Variants in KEAP1 observed in about 807,000 individuals in gnomAD.
The protein encoded by KEAP1 is kelch like ECH associated protein 1, also known as kelch-like ECH-associated protein 1.
Under a neutral mutation model 59.7 loss-of-function variants are expected in KEAP1, and 26 were observed. The observed-to-expected ratio is 0.44, with a 90% confidence interval of 0.32 to 0.60. KEAP1 has a LOEUF of 0.60. Among genes scored for constraint, KEAP1 ranks in the 20% least tolerant of loss-of-function variants. The pLI, the probability that KEAP1 is intolerant of heterozygous loss-of-function variation, is 0.06. For missense variants in KEAP1, 539 were observed against 871.4 expected, an observed-to-expected ratio of 0.62 and a Z score of 4.80; for synonymous variants, 350 against 358.3, an observed-to-expected ratio of 0.98 and a Z score of 0.26.
intron 2 of KEAP1, among the ~76,000 whole-genome samples, chr19:10,494,913 C>G (rs956902552): frequency 1.3e-5 from 2 of 151,654 alleles, no homozygotes; most frequent in Non-Finnish European, 2.9e-5. Flanking sequence ...CTCAGCCTCC[C>G]AAAGTGCTGG....
rs1428566418 is a variant in KEAP1 at position 10,486,148 on chromosome 19, C to CTT, written c.*502_*503dup. 8.9e-6 allele frequency: 2 copies of CTT among 224,166 alleles called. No homozygotes were observed. Among genetic ancestry groups the CTT allele is most frequent in the East Asian group, 1.3e-4 (2 of 15,432 alleles). The allele number at this position is 224,166 out of a possible 1,614,324, so 13.9% of individuals were successfully genotyped here. A position where few individuals can be genotyped will look rare whatever the true frequency, so the allele number is the denominator to read the frequency against. ...GGTGAAAGACACTAGTTAGTCTGTTCTTTATTTTCCTTGGAAAATTACAGG... is the reference window on the plus strand; with the variant it reads ...GGTGAAAGACACTAGTTAGTCTGTTCTTTTTATTTTCCTTGGAAAATTACAGG... On this transcript the variant is annotated 3_prime_UTR_variant, in exon 6 of 6. Transcript: ENST00000171111.
rs2144623392 is a variant in KEAP1, at chr19:10,499,332, T to G, written c.639+63A>C. 7.2e-7 allele frequency: 1 copy of G among 1,389,014 alleles called. No homozygotes were observed. The highest frequency in any genetic ancestry group is 9.8e-7 in the Non-Finnish European group (1 of 1,025,408). 86.0% of individuals were successfully genotyped at this position (1,389,014 alleles called of 1,614,324 possible). On this transcript the variant is annotated intron_variant, in intron 2 of 5. Coordinates refer to ENST00000171111, the MANE Select transcript of KEAP1 (RefSeq NM_203500.2). The surrounding 1 kb of genome is among the most constrained non-coding windows in gnomAD (Gnocchi z 6.7). ...TTGACATCTCAAGGGGAGACAGTGA[T>G]GAGCACTCGTCCATCCCTGGTCCTT...
At chr19:10,501,536 G>A (rs188964259) in intron 1 of KEAP1, among the ~76,000 whole-genome samples, 384 of 151,974 alleles carry the variant, frequency 2.5e-3, no homozygotes, top group African/African-American at 9.1e-3. Flanking sequence ...AGGCTGAGGC[G>A]GGAGAAAGGC....
chr19:10,499,877 T>C lies in KEAP1; in HGVS notation c.157A>G (p.Ser53Gly). ...TTGGTATGATCCTCCAGGGTGTAGC[T>C]GAAGGTGCGGTTGCCATGCTGGGAG... Reference protein sequence around the residue: ...TPSQHGNRTFSYTLEDHTKQA... With the variant: ...TPSQHGNRTFGYTLEDHTKQA... Residue 53 changes from serine (S) to glycine (G), a missense_variant, in exon 2 of 6, where the codon AGC (serine) becomes GGC (glycine). By Grantham distance (56) the Ser-to-Gly change is moderately conservative (BLOSUM62 0). Around this residue, in one of 4 missense-constraint regions of KEAP1, gnomAD observed 166 missense variants for 295.8 expected, o/e 0.56. Coordinates refer to ENST00000171111, the MANE Select transcript of KEAP1 (RefSeq NM_203500.2). This position sits in a 1 kb window ranked among gnomAD's most constrained non-coding sequence, Gnocchi z 6.7. 1 of 1,613,578 alleles carries C rather than the reference T, an allele frequency of 6.2e-7. No homozygotes were observed. Among genetic ancestry groups the C allele is most frequent in the Non-Finnish European group, 8.5e-7 (1 of 1,179,864 alleles).
rs76205301 is a variant in KEAP1, at chr19:10,486,406, G to A, written c.*246C>T. The A allele has an allele frequency of 3.2e-3, 1,494 of 464,820 alleles. 23 individuals carry two copies. In the East Asian group the frequency reaches 0.035, roughly 11 times the overall value. 28.8% of individuals were successfully genotyped at this position (464,820 alleles called of 1,614,324 possible). A position where few individuals can be genotyped will look rare whatever the true frequency, so the allele number is the denominator to read the frequency against. On this transcript the variant is annotated 3_prime_UTR_variant, in exon 6 of 6. Coordinates refer to ENST00000171111, the MANE Select transcript of KEAP1 (RefSeq NM_203500.2). ...GGGTTTGGGGGCCTCTCTCCTGGAA[G>A]CCTGCTCTTTCCACACCCCCTTTCC...
chr19:10,495,928 T>C (rs561341699), intron 2 of KEAP1, among the ~76,000 whole-genome samples: 4 of 152,214 alleles, frequency 2.6e-5, no homozygotes, highest in Admixed American at 2.6e-4. Flanking sequence ...CTCACGCCTG[T>C]AATCCTGGTA....
Position 10,486,611 on chromosome 19 carries a change from T to A in KEAP1, c.*41A>T, listed in dbSNP as rs1568395605. On this transcript the variant is annotated 3_prime_UTR_variant, in exon 6 of 6. Coordinates refer to ENST00000171111, the MANE Select transcript of KEAP1 (RefSeq NM_203500.2). ...GGTTTTTGTACAAAAACAATGATAC[T>A]CCCCATTGGACTGTATTTTTGCCCA... 6.4e-7 allele frequency: 1 copy of A among 1,565,130 alleles called. No homozygotes were observed. Among genetic ancestry groups the A allele is most frequent in the Admixed American group, 1.8e-5 (1 of 55,486 alleles).
chr19:10,490,356 T>C (rs1914628427), intron 3 of KEAP1: 1 of 119,084 alleles, frequency 8.4e-6, no homozygotes. Flanking sequence ...TTTTTTTTTT[T>C]TGAGATGGAG....
intron 5 of KEAP1, 58 bp from the exon 6 acceptor site, chr19:10,486,876 GA>G: frequency 6.5e-7 from 1 of 1,549,278 alleles, no homozygotes; most frequent in Non-Finnish European, 8.8e-7. Flanking sequence ...AAGAGCAGGG[GA>G]CAGAAAGAGA....
In KEAP1 at chr19:10,494,436, T is replaced by C. The variant is rs571380466; in HGVS notation, c.640-2174A>G. Among the ~76,000 whole-genome samples, 1,143 of 147,402 alleles carry C rather than the reference T, an allele frequency of 7.8e-3. 12 individuals are homozygous for C. The highest frequency in any genetic ancestry group is 0.027 in the African/African-American group (1,073 of 39,844). ...AGCTCCACCTCCCGGGTTCACGCCATTCTCCTGCCTCAGCCTCCCGAGTAG... is the reference window on the plus strand; with the variant it reads ...AGCTCCACCTCCCGGGTTCACGCCACTCTCCTGCCTCAGCCTCCCGAGTAG... On this transcript the variant is annotated intron_variant, in intron 2 of 5. Coordinates refer to ENST00000171111, the MANE Select transcript of KEAP1 (RefSeq NM_203500.2).
rs747277438 is a variant in KEAP1 at position 10,499,954 on chromosome 19, GCC to G, written c.78_79del (p.Ala27ArgfsTer10). The G allele has an allele frequency of 1.0e-5, 16 of 1,605,668 alleles. No homozygotes were observed. Among genetic ancestry groups the G allele is most frequent in the Admixed American group, 1.7e-5 (1 of 59,698 alleles). On this transcript the variant is annotated frameshift_variant, in exon 2 of 6. Coordinates refer to ENST00000171111, the MANE Select transcript of KEAP1 (RefSeq NM_203500.2). LOFTEE classifies it high-confidence loss of function. This position sits in a 1 kb window ranked among gnomAD's most constrained non-coding sequence, Gnocchi z 6.7. ...GGAGGCGTACATCACCGCGTCCCCT[GCC>G]CCCTCAGGGCACTGTGACTGCAGGG...
chr19:10,493,364 G>C (rs575094073), intron 2 of KEAP1, among the ~76,000 whole-genome samples: 1 of 151,642 alleles, frequency 6.6e-6, no homozygotes, highest in Non-Finnish European at 1.5e-5. Context: ...GGGTTTCACC[G>C]TGTTAGCCAG....
At position 10,486,939 on chromosome 19, in the gene KEAP1, A is replaced by T. The variant is rs1947445417; in HGVS notation, c.1709-121T>A. ...AGGCCGGGCGTGGTGGCTCACGCCTATAATCCTAGCACTTTGCAGGGCTGA... is the reference window on the plus strand; with the variant it reads ...AGGCCGGGCGTGGTGGCTCACGCCTTTAATCCTAGCACTTTGCAGGGCTGA... On this transcript the variant is annotated intron_variant, in intron 5 of 5. Coordinates refer to ENST00000171111, the MANE Select transcript of KEAP1 (RefSeq NM_203500.2). The T allele has an allele frequency of 6.9e-6, 7 of 1,013,484 alleles. No individual in the cohort carries two copies. In the South Asian group the frequency reaches 1.1e-4, roughly 16 times the overall value. The allele number at this position is 1,013,484 out of a possible 1,614,324, so 62.8% of individuals were successfully genotyped here.
intron 2 of KEAP1, among the ~76,000 whole-genome samples, chr19:10,493,988 C>CT (rs1360372261): frequency 6.6e-6 from 1 of 152,030 alleles, no homozygotes; most frequent in African/African-American, 2.4e-5. Context: ...GTCACCTAGG[C>CT]TGTAGTGCAG....
rs530737192 is a variant in KEAP1, at chr19:10,491,776, C to T, written c.1126G>A (p.Ala376Thr). 1.2e-5 allele frequency: 19 copies of T among 1,579,806 alleles called. No homozygotes were observed. The highest frequency in any genetic ancestry group is 7.4e-5 in the Admixed American group (4 of 54,072). Residue 376 changes from alanine (A) to threonine (T), a missense_variant, in exon 3 of 6, where the codon GCC (alanine) becomes ACC (threonine). This residue lies in a region of KEAP1 where 311 missense variants were observed against 425.2 expected (regional missense o/e 0.73). Coordinates refer to ENST00000171111, the MANE Select transcript of KEAP1 (RefSeq NM_203500.2). The surrounding 1 kb of genome is among the most constrained non-coding windows in gnomAD (Gnocchi z 5.2). ...AGCVVGGLLY[A>T]VGGRNNSPDG... ...GGCGAGTTGTTCCTGCCGCCCACGG[C>T]GTACAACAGCCCGCCCACCACGCAG...
At position 10,486,463 on chromosome 19, in the gene KEAP1, C is replaced by T; in HGVS notation, c.*189G>A. The T allele has an allele frequency of 3.0e-6, 2 of 657,004 alleles. No individual in the cohort carries two copies. Among genetic ancestry groups the T allele is most frequent in the South Asian group, 1.8e-5 (1 of 55,882 alleles). The allele number at this position is 657,004 out of a possible 1,614,324, so 40.7% of individuals were successfully genotyped here. On this transcript the variant is annotated 3_prime_UTR_variant, in exon 6 of 6. Coordinates refer to ENST00000171111, the MANE Select transcript of KEAP1 (RefSeq NM_203500.2). ...GGCTGTCTTGGACACTCCCGGGGCT[C>T]CGCTGAGGGGCACATGATTCCCGCT...
Position 10,503,123 on chromosome 19 carries a change from C to A in KEAP1, c.-48+118G>T, listed in dbSNP as rs1201022379. The A allele has an allele frequency of 6.6e-6, 1 of 152,186 alleles. No individual in the cohort carries two copies. Among genetic ancestry groups the A allele is most frequent in the Non-Finnish European group, 1.5e-5 (1 of 68,064 alleles). 9.4% of individuals were successfully genotyped at this position (152,186 alleles called of 1,614,324 possible). On this transcript the variant is annotated intron_variant, in intron 1 of 5. Transcript: ENST00000171111. The surrounding 1 kb of genome is among the most constrained non-coding windows in gnomAD (Gnocchi z 4.3). ...CCCCCAGGTCGCCTCCGTAGGGGGT[C>A]CCTCGGGGTGGGGATGGCCGGGGCG...
At chr19:10,488,136 A>T (rs1914535056) in intron 5 of KEAP1, among the ~76,000 whole-genome samples, 2 of 151,492 alleles carry the variant, frequency 1.3e-5, no homozygotes, top group Non-Finnish European at 1.5e-5. Context: ...CTCAAAAAAA[A>T]ATTAGCTAGG....
At chr19:10,500,474 T>C (rs1423754857) in intron 1 of KEAP1, among the ~76,000 whole-genome samples, 1 of 152,140 alleles carries the variant, frequency 6.6e-6, no homozygotes, top group African/African-American at 2.4e-5. Context: ...TGCCTCACCA[T>C]TTACTGGGCA....
Sources: gnomAD v4.1 joint callset for allele counts (sites outside exome capture counted in the v4.1 genomes callset) on GRCh38, gnomAD v4.1.1 for gene constraint, gnomAD v4.1.1 regional missense constraint, Gnocchi (gnomAD v3.1) non-coding constraint, MANE v1.5 for transcripts, NCBI Gene and HGNC (gene_info 2026-07-23, HGNC 2026-07-21) for gene names.